DNM1L: variants seen among roughly 807,000 people sequenced by gnomAD.
DNM1L encodes the protein dynamin-1-like protein.
In DNM1L, 33 loss-of-function variants were observed where a neutral mutation model predicts 92.8. The observed-to-expected ratio is 0.36, with a 90% CI of 0.27 to 0.48. The LOEUF is 0.48. Ranked by LOEUF, DNM1L falls within the 20% of genes least tolerant of loss-of-function variation. The pLI is 0.99. For synonymous variants in DNM1L, 284 were observed against 305.0 expected, an observed-to-expected ratio of 0.93 and a Z score of 0.72; for missense variants, 485 against 888.8, an observed-to-expected ratio of 0.55 and a Z score of 5.78.
In DNM1L at chr12:32,731,408, A is replaced by G; in HGVS notation, c.1253A>G (p.Lys418Arg). The G allele has an allele frequency of 6.2e-7, 1 of 1,614,128 alleles. No individual in the cohort carries two copies. The highest frequency in any genetic ancestry group is 8.5e-7 in the Non-Finnish European group (1 of 1,180,022). ...VPEVSFELLVKRQIKRLEEPS... is the reference protein window; with the variant it reads ...VPEVSFELLVRRQIKRLEEPS... ...GAGGTTTCATTTGAGTTACTGGTGA[A>G]GCGGCAAATCAAACGTCTAGAAGAG... Residue 418 changes from lysine (K) to arginine (R), a missense_variant, in exon 11 of 20, where the codon AAG becomes AGG. Physicochemically the swap from Lys to Arg is conservative, Grantham distance 26 (BLOSUM62 2). Transcript: ENST00000549701. The surrounding 1 kb of genome is among the most constrained non-coding windows in gnomAD (Gnocchi z 5.1).
Position 32,740,078 on chromosome 12 carries a change from T to A in DNM1L, c.1722T>A (p.Gly574=), listed in dbSNP as rs1366604754. 4.3e-6 allele frequency: 7 copies of A among 1,614,110 alleles called. No individual in the cohort carries two copies. The highest frequency in any genetic ancestry group is 5.9e-6 in the Non-Finnish European group (7 of 1,180,012). The change falls in exon 17 of 20, where the codon GGT becomes GGA. Residue 574 remains glycine (G), a synonymous_variant. Coordinates refer to ENST00000549701, the MANE Select transcript of DNM1L (RefSeq NM_012062.5). The stretch of plus-strand genomic sequence containing the variant: ...TGTTTTTTCAGGTTGCATCTGGAGG[T>A]GGTGGGGTTGGAGATGGTGTTCAAG... The part of the protein sequence containing the change: ...RRETKNVASG[G]GGVGDGVQEP...
intron 17 of DNM1L, 30 bp downstream of exon 17, chr12:32,740,270 A>G: frequency 3.1e-6 from 5 of 1,614,160 alleles, no homozygotes; most frequent in Non-Finnish European, 4.2e-6. Context: ...TTTAGGTAAT[A>G]AGGTAGGTGA....
chr12:32,709,484 C>A (rs1953044584), intron 4 of DNM1L: 1 of 152,104 alleles, frequency 6.6e-6, no homozygotes, highest in Non-Finnish European at 1.5e-5. Flanking sequence ...TCTATACCTA[C>A]AAGATGTTTA....
At position 32,703,702 on chromosome 12, in the gene DNM1L, C is replaced by G. The variant is rs534700068; in HGVS notation, c.250+2140C>G. On this transcript the variant is annotated intron_variant, in intron 2 of 19. Coordinates refer to ENST00000549701, the MANE Select transcript of DNM1L (RefSeq NM_012062.5). ...TGAAGGCTTAGTTACATGACAAAGA[C>G]CTAGGTTACCAATAGTAGATTCAGA... Among the ~76,000 whole-genome samples the G allele has an allele frequency of 4.6e-5, 7 of 150,910 alleles. No individual in the cohort carries two copies. In the East Asian group the frequency reaches 1.4e-3, roughly 29 times the overall value.
chr12:32,688,405 A>G (rs1339807132), intron 1 of DNM1L, among the ~76,000 whole-genome samples: 2 of 152,228 alleles, frequency 1.3e-5, no homozygotes, highest in Non-Finnish European at 2.9e-5. Context: ...TCTGGCTCCT[A>G]TGGTTTCTTT....
chr12:32,721,945 G>C (rs1479076486), intron 8 of DNM1L, among the ~76,000 whole-genome samples: 1 of 152,204 alleles, frequency 6.6e-6, no homozygotes, highest in Non-Finnish European at 1.5e-5. Context: ...CAGATGAAGA[G>C]ATGCACAGGG....
chr12:32,730,668 T>C (rs1954499776), intron 9 of DNM1L, among the ~76,000 whole-genome samples: 2 of 152,226 alleles, frequency 1.3e-5, no homozygotes, highest in South Asian at 2.1e-4. Context: ...CTACTTCAGA[T>C]TGTGAATCAA....
chr12:32,728,542 C>T lies in DNM1L; in HGVS notation c.1080-2472C>T, dbSNP rs1954310904. ...AGTTAATAAACCAATTATCTGTGTC[C>T]ACCTAATCAAGCGTTTCAGACACTG... is the stretch of plus-strand genomic sequence containing the variant. On this transcript the variant is annotated intron_variant, in intron 9 of 19. Transcript: ENST00000549701. 2.6e-5 allele frequency: 4 copies of T among 152,166 alleles called. No homozygotes were observed. In the South Asian group the frequency reaches 8.3e-4, roughly 32 times the overall value. The allele number at this position is 152,166 out of a possible 1,614,324, so 9.4% of individuals were successfully genotyped here.
At chr12:32,685,867 T>C (rs1405473226) in intron 1 of DNM1L, among the ~76,000 whole-genome samples, 1 of 152,132 alleles carries the variant, frequency 6.6e-6, no homozygotes, top group Non-Finnish European at 1.5e-5. Flanking sequence ...TTTTTCTCCA[T>C]GAGCACTGCT....
At chr12:32,729,310 C>T (rs142825332) in intron 9 of DNM1L, among the ~76,000 whole-genome samples, 20 of 137,294 alleles carry the variant, frequency 1.5e-4, no homozygotes, top group South Asian at 4.8e-4. Flanking sequence ...CTCAAACTCC[C>T]GACCTTGTGA....
At chr12:32,728,421 G>A (rs1954300836) in intron 9 of DNM1L, 1 of 152,154 alleles carries the variant, frequency 6.6e-6, no homozygotes, top group African/African-American at 2.4e-5. Flanking sequence ...GCTTGATTAG[G>A]CTGCAAAAGT....
intron 19 of DNM1L, 26 bp downstream of exon 19, chr12:32,742,774 T>C: frequency 2.5e-6 from 4 of 1,613,834 alleles, no homozygotes; most frequent in Non-Finnish European, 2.5e-6. Context: ...TGATTTTTTA[T>C]ACTTGGGTAG....
intron 13 of DNM1L, among the ~76,000 whole-genome samples, chr12:32,735,031 A>T (rs1318775494): frequency 6.6e-6 from 1 of 152,236 alleles, no homozygotes; most frequent in African/African-American, 2.4e-5. Context: ...GATCACAGTT[A>T]TGTTAAAAAT....
At chr12:32,705,875 C>T in intron 2 of DNM1L, 1 of 1,597,586 alleles carries the variant, frequency 6.3e-7, no homozygotes, top group Non-Finnish European at 8.5e-7. Context: ...TTTCCTTTAT[C>T]CATTTGCTTT....
chr12:32,708,938 A>T (rs527859285), intron 4 of DNM1L, among the ~76,000 whole-genome samples: 12 of 151,978 alleles, frequency 7.9e-5, no homozygotes, highest in African/African-American at 2.9e-4. Flanking sequence ...TCTTAGCTCC[A>T]TTCTTATATT....
chr12:32,726,823 G>T, intron 9 of DNM1L: 1 of 624,374 alleles, frequency 1.6e-6, no homozygotes, highest in South Asian at 2.0e-5. Context: ...AAGGAAAAGT[G>T]ATCAGAATCA....
In DNM1L at chr12:32,743,532, C is replaced by A; in HGVS notation, c.*122C>A. On this transcript the variant is annotated 3_prime_UTR_variant, in exon 20 of 20. Transcript: ENST00000549701. ...TGGTATGAATCTGCTCATGTGGAGA[C>A]TGGCTATAAACTGAAAAGTGTATTC... 1.1e-6 allele frequency: 1 copy of A among 923,408 alleles called. No homozygotes were observed. The highest frequency in any genetic ancestry group is 1.7e-6 in the Non-Finnish European group (1 of 585,232). 57.2% of individuals were successfully genotyped at this position (923,408 alleles called of 1,614,324 possible).
At chr12:32,724,092 C>T (rs1261071794) in intron 9 of DNM1L, among the ~76,000 whole-genome samples, 1 of 152,132 alleles carries the variant, frequency 6.6e-6, no homozygotes, top group Non-Finnish European at 1.5e-5. Context: ...AGTAATTAGC[C>T]TGAGGTATTG....
At chr12:32,724,613 T>A (rs1452414367) in intron 9 of DNM1L, among the ~76,000 whole-genome samples, 2 of 136,876 alleles carry the variant, frequency 1.5e-5, no homozygotes, top group African/African-American at 2.7e-5. Flanking sequence ...TATATATATA[T>A]ATATATAAAT....
Sources: gnomAD v4.1 joint callset for allele counts (sites outside exome capture counted in the v4.1 genomes callset) on GRCh38, gnomAD v4.1.1 for gene constraint, Gnocchi (gnomAD v3.1) non-coding constraint, MANE v1.5 for transcripts, NCBI Gene and HGNC (gene_info 2026-07-23, HGNC 2026-07-21) for gene names.